Variants in STON2 observed in about 807,000 individuals in gnomAD.
STON2 encodes the protein stonin 2.
Under a neutral mutation model 65.7 loss-of-function variants are expected in STON2, and 29 were observed. That is an observed-to-expected ratio of 0.44 (90% CI 0.33 to 0.60). The LOEUF (loss-of-function observed/expected upper bound fraction) is 0.60. Ranked by LOEUF, STON2 falls within the 20% of genes least tolerant of loss-of-function variation. STON2 has a pLI of 0.03. For missense variants in STON2, 1,054 were observed against 1,118.1 expected, an observed-to-expected ratio of 0.94 and a Z score of 0.82; for synonymous variants, 404 against 414.2, an observed-to-expected ratio of 0.98 and a Z score of 0.30.
chr14:81,267,010 A>G lies in STON2; in HGVS notation c.*1404T>C. On this transcript the variant is annotated 3_prime_UTR_variant, in exon 8 of 8. Coordinates refer to ENST00000614646, the MANE Select transcript of STON2 (RefSeq NM_001394390.1). ...AGTGTCAATACACATTTAGACTCCA[A>G]TGATTGTTCATTGAATACATTAATC... 1.0e-6 allele frequency: 1 copy of G among 985,438 alleles called. No homozygotes were observed. The highest frequency in any genetic ancestry group is 1.1e-4 in the East Asian group (1 of 8,820). 61.0% of individuals were successfully genotyped at this position (985,438 alleles called of 1,614,324 possible).
intron 3 of STON2, among the ~76,000 whole-genome samples, chr14:81,374,715 AAG>A (rs1322803901): frequency 6.6e-6 from 1 of 152,202 alleles, no homozygotes; most frequent in African/African-American, 2.4e-5. Flanking sequence ...GAAAATATGA[AAG>A]AGAGATGAAG....
In STON2 at chr14:81,413,052, C is replaced by T. The variant is rs550654407; in HGVS notation, c.-199+14050G>A. 152 of 1,004,524 alleles carry T rather than the reference C, an allele frequency of 1.5e-4. 23 individuals carry two copies. In the Admixed American group the frequency reaches 2.6e-3, roughly 17 times the overall value. 62.2% of individuals were successfully genotyped at this position (1,004,524 alleles called of 1,614,324 possible). A position where few individuals can be genotyped will look rare whatever the true frequency, so the allele number is the denominator to read the frequency against. ...AACTCGGTGGAGTGCGCTCCTCAGG[C>T]GCTGGAGAAATACAACAAAGAGAGG... is the stretch of plus-strand genomic sequence containing the variant. On this transcript the variant is annotated intron_variant, in intron 2 of 8. Transcript: ENST00000553821.
chr14:81,341,453 T>G (rs1047111009), intron 4 of STON2, among the ~76,000 whole-genome samples: 1 of 122,982 alleles, frequency 8.1e-6, no homozygotes, highest in African/African-American at 4.1e-5. Context: ...AGTGTTTTTT[T>G]TTTGTTTTTT....
At chr14:81,372,565 A>AAAG (rs532857835) in intron 3 of STON2, among the ~76,000 whole-genome samples, 1,894 of 111,448 alleles carry the variant, frequency 0.017, 21 homozygotes, top group South Asian at 0.063. Context: ...AAAAAAAAAA[A>AAAG]AAGAAGAAGA....
At chr14:81,363,087 G>C (rs891348683) in intron 4 of STON2, among the ~76,000 whole-genome samples, 3 of 152,212 alleles carry the variant, frequency 2.0e-5, no homozygotes, top group Non-Finnish European at 2.9e-5. Flanking sequence ...ACCAGGCACA[G>C]GGCAGGGTGA....
chr14:81,412,047 G>A (rs566698708), intron 2 of STON2, among the ~76,000 whole-genome samples: 3 of 139,660 alleles, frequency 2.1e-5, no homozygotes, highest in Admixed American at 7.1e-5. Context: ...AACAAATCCA[G>A]AAAAAACTTG....
intron 5 of STON2, among the ~76,000 whole-genome samples, chr14:81,316,468 A>C (rs951151578): frequency 3.9e-5 from 6 of 152,180 alleles, no homozygotes; most frequent in Admixed American, 1.3e-4. Context: ...GTTTCTTAGG[A>C]AGATCAACTC....
chr14:81,372,384 C>T lies in STON2; in HGVS notation c.374-1199G>A, dbSNP rs10139896. 6.9e-3 allele frequency among the ~76,000 whole-genome samples: 1,048 copies of T among 152,036 alleles called. 6 individuals carry two copies. The highest frequency in any genetic ancestry group is 0.024 in the African/African-American group (1,003 of 41,480). On this transcript the variant is annotated intron_variant, in intron 3 of 7. Transcript: ENST00000614646. Reference sequence around the variant, plus strand: ...GCCTGCCAATATGGCAAAACCCCGTCTCTGCTAAAAAAATACAAAAATTAG... The same window carrying T: ...GCCTGCCAATATGGCAAAACCCCGTTTCTGCTAAAAAAATACAAAAATTAG...
rs984265968 is a variant in STON2, at chr14:81,272,254, A to T, written c.2582-1382T>A. Among the ~76,000 whole-genome samples, 16 of 152,286 alleles carry T rather than the reference A, an allele frequency of 1.1e-4. No homozygotes were observed. The East Asian group carries it at 2.9e-3, about 28-fold the overall frequency. On this transcript the variant is annotated intron_variant, in intron 6 of 7. Coordinates refer to ENST00000614646, the MANE Select transcript of STON2 (RefSeq NM_001394390.1). ...AAAACAAAAAACAACTGAACCTAGC[A>T]GTCTGACTCCAGAGTGTTCTTAACC...
chr14:81,277,590 T>C lies in STON2; in HGVS notation c.1892A>G (p.Asp631Gly), dbSNP rs1435054806. 1.2e-6 allele frequency: 2 copies of C among 1,614,168 alleles called. No individual in the cohort carries two copies. The change falls in exon 6 of 8, where the codon GAT (aspartate) becomes GGT (glycine). Residue 631 changes from aspartate to glycine, a missense_variant. Coordinates refer to ENST00000614646, the MANE Select transcript of STON2 (RefSeq NM_001394390.1). ...LNYLEEEITV[D>G]VRDEFSGIVS... ...AATGCCAGAGAATTCATCTCTGACATCCACTGTAATCTCCTCTTCAAGGTA... is the reference window on the plus strand; with the variant it reads ...AATGCCAGAGAATTCATCTCTGACACCCACTGTAATCTCCTCTTCAAGGTA...
intron 4 of STON2, among the ~76,000 whole-genome samples, chr14:81,340,638 A>G (rs1210944994): frequency 6.6e-6 from 1 of 152,084 alleles, no homozygotes. Flanking sequence ...GGCCAGTAGG[A>G]TGCACACTTC....
At chr14:81,347,876 C>A (rs1595379512) in intron 4 of STON2, among the ~76,000 whole-genome samples, 1 of 102,714 alleles carries the variant, frequency 9.7e-6, no homozygotes, top group Admixed American at 1.5e-4. Context: ...GCCATTGCAG[C>A]AACAGAGTAG....
chr14:81,355,085 A>T (rs1566923703), intron 4 of STON2, among the ~76,000 whole-genome samples: 1 of 152,184 alleles, frequency 6.6e-6, no homozygotes, highest in African/African-American at 2.4e-5. Context: ...GAAATTATCC[A>T]TTCAGAAGAG....
In STON2 at chr14:81,371,116, G is replaced by A; in HGVS notation, c.443C>T (p.Ser148Phe). The change falls in exon 4 of 8, where the codon TCT (serine) becomes TTT (phenylalanine). Residue 148 changes from serine to phenylalanine, a missense_variant. Coordinates refer to ENST00000614646, the MANE Select transcript of STON2 (RefSeq NM_001394390.1). Reference protein sequence around the residue: ...FDSLGRCPLTSESSWTTHSED... With the variant: ...FDSLGRCPLTFESSWTTHSED... ...AGAATGGGTGGTCCAGCTGCTCTCA[G>A]AAGTCAGAGGGCATCTCCCCAGGGA... 1 of 1,614,168 alleles carries A rather than the reference G, an allele frequency of 6.2e-7. No homozygotes were observed. Among genetic ancestry groups the A allele is most frequent in the Non-Finnish European group, 8.5e-7 (1 of 1,180,022 alleles).
intron 2 of STON2, among the ~76,000 whole-genome samples, chr14:81,419,518 A>G (rs1901600301): frequency 6.6e-6 from 1 of 152,220 alleles, no homozygotes; most frequent in South Asian, 2.1e-4. Flanking sequence ...TAAATGATGG[A>G]TCTTTTTCTA....
chr14:81,376,432 A>G (rs1418535522), intron 3 of STON2, among the ~76,000 whole-genome samples: 3 of 152,094 alleles, frequency 2.0e-5, no homozygotes, highest in Non-Finnish European at 4.4e-5. Flanking sequence ...GAAGAAGGTT[A>G]AAAACCTGAC....
In STON2 at chr14:81,263,485, C is replaced by T. The variant is rs892020140; in HGVS notation, c.*4929G>A. ...CCCGGGAGGCGGAGGTTGCAGTGAG[C>T]CGATGTCGTGCCACTGCACTCTAGC... On this transcript the variant is annotated 3_prime_UTR_variant, in exon 8 of 8. Transcript: ENST00000614646. 2.0e-4 allele frequency among the ~76,000 whole-genome samples: 28 copies of T among 143,432 alleles called. No individual in the cohort carries two copies. The highest frequency in any genetic ancestry group is 6.5e-4 in the African/African-American group (25 of 38,222). 94.1% of individuals were successfully genotyped at this position (143,432 alleles called of 152,430 possible). A position where few individuals can be genotyped will look rare whatever the true frequency, so the allele number is the denominator to read the frequency against.
chr14:81,262,417 G>A lies in STON2; in HGVS notation c.*5997C>T. On this transcript the variant is annotated 3_prime_UTR_variant, in exon 8 of 8. Transcript: ENST00000614646. Reference sequence around the variant, plus strand: ...ATATTTGTTGAGTTGAATTAATCCTGCCATCTATCCCTTTTTACTATGCAA... The same window carrying A: ...ATATTTGTTGAGTTGAATTAATCCTACCATCTATCCCTTTTTACTATGCAA... 1.0e-6 allele frequency: 1 copy of A among 983,382 alleles called. No individual in the cohort carries two copies. Among genetic ancestry groups the A allele is most frequent in the South Asian group, 4.7e-5 (1 of 21,264 alleles). The allele number at this position is 983,382 out of a possible 1,614,324, so 60.9% of individuals were successfully genotyped here.
chr14:81,319,676 G>A (rs1325993215), intron 5 of STON2, among the ~76,000 whole-genome samples: 1 of 152,174 alleles, frequency 6.6e-6, no homozygotes, highest in Non-Finnish European at 1.5e-5. Flanking sequence ...TTTAATCCTG[G>A]TCAATTACCA....
Sources: allele counts gnomAD v4.1 joint callset (sites outside exome capture counted in the v4.1 genomes callset), GRCh38; gene constraint gnomAD v4.1.1; transcripts MANE v1.5; gene names NCBI Gene and HGNC (gene_info 2026-07-23, HGNC 2026-07-21).